Variants in ADGRB3 observed in about 807,000 individuals in gnomAD.
ADGRB3 encodes the protein brain-specific angiogenesis inhibitor 3.
Under a neutral mutation model 193.4 loss-of-function variants are expected in ADGRB3, and 37 were observed. The ratio of observed to expected loss-of-function variants is 0.19; its 90% confidence interval spans 0.15 to 0.25. The LOEUF is 0.25. Ranked by LOEUF, ADGRB3 falls within the 10% of genes least tolerant of loss-of-function variation. The probability of loss-of-function intolerance (pLI) is 1.00; values close to 1 mark genes in which losing one functional copy is unlikely to be tolerated. For synonymous variants in ADGRB3, 690 were observed against 644.2 expected (o/e 1.07, Z -1.08); for missense variants, 1,637 against 1,852.9 (o/e 0.88, Z 2.14).
chr6:68,851,393 C>T (rs780130479), intron 3 of ADGRB3, among the ~76,000 whole-genome samples: 1 of 151,806 alleles, frequency 6.6e-6, no homozygotes, highest in African/African-American at 2.4e-5. Flanking sequence ...CTAGGTATCA[C>T]TTAGGAAAAT....
chr6:69,233,143 C>T (rs747047746), intron 17 of ADGRB3, 147 bp from the exon 18 acceptor site: 1 of 1,155,304 alleles, frequency 8.7e-7, no homozygotes, highest in Non-Finnish European at 1.2e-6. Context: ...ATCTAAATTA[C>T]ATCCTGTTCA....
At chr6:68,905,919 T>G (rs1162463300) in intron 3 of ADGRB3, among the ~76,000 whole-genome samples, 2 of 152,020 alleles carry the variant, frequency 1.3e-5, no homozygotes, top group Admixed American at 6.6e-5. Context: ...CCTCTCTATA[T>G]TCTAGAGAGA....
At chr6:68,872,326 T>A (rs908941003) in intron 3 of ADGRB3, among the ~76,000 whole-genome samples, 3 of 152,090 alleles carry the variant, frequency 2.0e-5, no homozygotes, top group African/African-American at 7.2e-5. Flanking sequence ...TTATTTTACA[T>A]AATGCAATAG....
chr6:69,163,370 T>C (rs901241309), intron 17 of ADGRB3, among the ~76,000 whole-genome samples: 2 of 152,088 alleles, frequency 1.3e-5, no homozygotes, highest in Non-Finnish European at 2.9e-5. Context: ...TCTACCTCTA[T>C]TGCAACCAGG....
At chr6:68,897,076 C>T (rs993454556) in intron 3 of ADGRB3, among the ~76,000 whole-genome samples, 1 of 152,014 alleles carries the variant, frequency 6.6e-6, no homozygotes, top group South Asian at 2.1e-4. Context: ...ACAACTGATC[C>T]AAATCGGTGT....
At chr6:68,822,368 A>C (rs1767763034) in intron 3 of ADGRB3, among the ~76,000 whole-genome samples, 1 of 152,000 alleles carries the variant, frequency 6.6e-6, no homozygotes, top group African/African-American at 2.4e-5. Context: ...TCTAGATTTT[A>C]TCAAAACACA....
chr6:69,376,531 G>A (rs1194974474), intron 30 of ADGRB3, among the ~76,000 whole-genome samples: 1 of 151,646 alleles, frequency 6.6e-6, no homozygotes. Flanking sequence ...ACAGACACAG[G>A]GTAATCACAA....
At chr6:68,705,295 A>G (rs923881564) in intron 3 of ADGRB3, among the ~76,000 whole-genome samples, 3 of 151,872 alleles carry the variant, frequency 2.0e-5, no homozygotes, top group Non-Finnish European at 4.4e-5. Flanking sequence ...TGATTTCTCC[A>G]GTGCTTATCC....
At chr6:68,952,171 A>G (rs1767945534) in intron 6 of ADGRB3, among the ~76,000 whole-genome samples, 1 of 152,058 alleles carries the variant, frequency 6.6e-6, no homozygotes. Flanking sequence ...TTTCTCATTC[A>G]GTAAAATGAC....
At chr6:68,904,107 AAGGAAGGG>A (rs1195158409) in intron 3 of ADGRB3, among the ~76,000 whole-genome samples, 1 of 57,022 alleles carries the variant, frequency 1.8e-5, no homozygotes, top group African/African-American at 5.9e-5. Flanking sequence ...GGAAGGAAGG[AAGGAAGGG>A]AGGGAGGGAG....
intron 3 of ADGRB3, among the ~76,000 whole-genome samples, chr6:68,858,009 T>G (rs1213624337): frequency 6.6e-6 from 1 of 152,222 alleles, no homozygotes; most frequent in Non-Finnish European, 1.5e-5. Context: ...CCATATAAGA[T>G]GTGACTTGCT....
Position 69,340,950 on chromosome 6 carries a change from T to G in ADGRB3, c.3459+1446T>G, listed in dbSNP as rs1768961943. Among the ~76,000 whole-genome samples the G allele has an allele frequency of 2.0e-5, 3 of 152,230 alleles. No individual in the cohort carries two copies. In the South Asian group the frequency reaches 6.2e-4, roughly 31 times the overall value. On this transcript the variant is annotated intron_variant, in intron 26 of 31. Coordinates refer to ENST00000370598, the MANE Select transcript of ADGRB3 (RefSeq NM_001704.3). ...CCCTGCAAATGACATGAACTCATCCTTTTTCAATAGCTGCAGAGCATTCCA... is the reference window on the plus strand; with the variant it reads ...CCCTGCAAATGACATGAACTCATCCGTTTTCAATAGCTGCAGAGCATTCCA...
chr6:69,139,667 G>T (rs1561931536), intron 17 of ADGRB3, among the ~76,000 whole-genome samples: 1 of 152,086 alleles, frequency 6.6e-6, no homozygotes, highest in Non-Finnish European at 1.5e-5. Flanking sequence ...CCCAAAACCT[G>T]TTTATGGATT....
chr6:68,653,482 A>C (rs1338999080), intron 3 of ADGRB3, among the ~76,000 whole-genome samples: 2 of 152,090 alleles, frequency 1.3e-5, no homozygotes, highest in African/African-American at 4.8e-5. Flanking sequence ...GAATGTATGC[A>C]CATATTCCAC....
intron 17 of ADGRB3, among the ~76,000 whole-genome samples, chr6:69,161,291 A>G (rs769122629): frequency 1.8e-4 from 27 of 152,228 alleles, no homozygotes; most frequent in Admixed American, 8.5e-4. Context: ...ATCTTCCTCG[A>G]CTGCAACTGC....
chr6:68,929,244 C>T (rs2150245669), intron 3 of ADGRB3, among the ~76,000 whole-genome samples: 1 of 152,158 alleles, frequency 6.6e-6, no homozygotes, highest in East Asian at 1.9e-4. Context: ...TATTCTTTTA[C>T]ATTTTCTGCC....
intron 3 of ADGRB3, among the ~76,000 whole-genome samples, chr6:68,922,658 T>C (rs1487667171): frequency 6.6e-6 from 1 of 152,176 alleles, no homozygotes. Context: ...AGAGATCATG[T>C]TCCCGGTATC....
intron 12 of ADGRB3, among the ~76,000 whole-genome samples, chr6:69,016,596 A>G (rs1295945900): frequency 6.6e-6 from 1 of 151,962 alleles, no homozygotes; most frequent in Non-Finnish European, 1.5e-5. Context: ...CACTTGAAGC[A>G]AAATTCAAGA....
chr6:69,124,002 C>A (rs1166624378), intron 17 of ADGRB3, among the ~76,000 whole-genome samples: 2 of 152,104 alleles, frequency 1.3e-5, no homozygotes, highest in East Asian at 3.8e-4. Flanking sequence ...TAATACCTTA[C>A]CTGAAAATAC....
Sources: gnomAD v4.1 joint callset for allele counts (sites outside exome capture counted in the v4.1 genomes callset) on GRCh38, gnomAD v4.1.1 for gene constraint, MANE v1.5 for transcripts, NCBI Gene and HGNC (gene_info 2026-07-23, HGNC 2026-07-21) for gene names.